XKR4: variants seen among roughly 807,000 people sequenced by gnomAD.
The protein encoded by XKR4 is XK-related protein 4.
XKR4 carries 12 observed loss-of-function variants against 53.9 expected under a neutral mutation model. The observed-to-expected ratio is 0.22, with a 90% CI of 0.14 to 0.36. XKR4 has a LOEUF of 0.36. Ranked by LOEUF, XKR4 falls within the 10% of genes least tolerant of loss-of-function variation. The pLI, the probability that XKR4 is intolerant of heterozygous loss-of-function variation, is 1.00. For synonymous variants in XKR4, 354 were observed against 362.4 expected, an observed-to-expected ratio of 0.98 and a Z score of 0.26; for missense variants, 799 against 859.5, an observed-to-expected ratio of 0.93 and a Z score of 0.88.
intron 1 of XKR4, among the ~76,000 whole-genome samples, chr8:55,246,931 CT>C (rs1818293068): frequency 6.6e-6 from 1 of 152,108 alleles, no homozygotes; most frequent in Non-Finnish European, 1.5e-5. Context: ...AGGAAAATCC[CT>C]GGGGGCCGGC....
chr8:55,212,995 C>T (rs953295710), intron 1 of XKR4, among the ~76,000 whole-genome samples: 1 of 152,108 alleles, frequency 6.6e-6, no homozygotes, highest in African/African-American at 2.4e-5. Flanking sequence ...ATCTTTAAAG[C>T]AAAATTAGGA....
chr8:55,302,506 C>A (rs533169310), intron 1 of XKR4, among the ~76,000 whole-genome samples: 146 of 148,952 alleles, frequency 9.8e-4, no homozygotes, highest in East Asian at 3.6e-3. Flanking sequence ...TATGAACTTT[C>A]AAGTAGTTTT....
intron 1 of XKR4, among the ~76,000 whole-genome samples, chr8:55,146,434 A>G (rs902882432): frequency 6.6e-6 from 1 of 152,232 alleles, no homozygotes; most frequent in South Asian, 2.1e-4. Context: ...ACAAAGTACC[A>G]TATTTTCTAG....
intron 2 of XKR4, among the ~76,000 whole-genome samples, chr8:55,463,786 A>C (rs1303897312): frequency 2.0e-5 from 3 of 152,186 alleles, no homozygotes; most frequent in African/African-American, 4.8e-5. Context: ...AAAAATGATA[A>C]AGGGGATATC....
intron 2 of XKR4, among the ~76,000 whole-genome samples, chr8:55,477,882 C>T (rs1477592367): frequency 6.6e-6 from 1 of 152,024 alleles, no homozygotes; most frequent in Non-Finnish European, 1.5e-5. Context: ...ACAAACAAAG[C>T]CTCCAAGAAA....
intron 1 of XKR4, among the ~76,000 whole-genome samples, chr8:55,321,289 C>T (rs1803208338): frequency 2.0e-5 from 3 of 152,194 alleles, no homozygotes; most frequent in Admixed American, 2.0e-4. Context: ...AAAATCTTCC[C>T]TCAGCAGGCT....
chr8:55,454,154 A>G, intron 2 of XKR4: 1 of 940,332 alleles, frequency 1.1e-6, no homozygotes, highest in East Asian at 2.4e-5. Context: ...CGGGTCCAGG[A>G]CCATTCTTAG....
At chr8:55,367,668 G>T (rs1377154045) in intron 2 of XKR4, among the ~76,000 whole-genome samples, 1 of 152,104 alleles carries the variant, frequency 6.6e-6, no homozygotes, top group Non-Finnish European at 1.5e-5. Context: ...TTTACCCATG[G>T]GTTAGTATCT....
rs77057174 is a variant in XKR4 at position 55,337,554 on chromosome 8, A to T, written c.807-20124A>T. ...ATGCCTGGGAAGGGTGAAAACATCT[A>T]GGAGGGTATATCATATTAACAACTG... On this transcript the variant is annotated intron_variant, in intron 1 of 2. Transcript: ENST00000327381. 4.0e-3 allele frequency among the ~76,000 whole-genome samples: 613 copies of T among 152,294 alleles called. 3 individuals are homozygous for T. The highest frequency in any genetic ancestry group is 0.014 in the African/African-American group (595 of 41,544).
intron 2 of XKR4, among the ~76,000 whole-genome samples, chr8:55,416,541 G>A (rs1316308784): frequency 6.6e-6 from 1 of 152,148 alleles, no homozygotes; most frequent in Non-Finnish European, 1.5e-5. Context: ...AAAGTCAGTC[G>A]ACATCAATAT....
chr8:55,187,589 T>C (rs1267252830), intron 1 of XKR4, among the ~76,000 whole-genome samples: 1 of 152,238 alleles, frequency 6.6e-6, no homozygotes, highest in Non-Finnish European at 1.5e-5. Context: ...ATAAGAACTT[T>C]ACTTTAGAAA....
At chr8:55,355,801 G>A (rs966452724) in intron 1 of XKR4, among the ~76,000 whole-genome samples, 7 of 152,138 alleles carry the variant, frequency 4.6e-5, no homozygotes, top group Non-Finnish European at 5.9e-5. Flanking sequence ...CTAAGCTTTC[G>A]GTGAAAAGCT....
intron 1 of XKR4, among the ~76,000 whole-genome samples, chr8:55,356,891 C>T (rs538239546): frequency 2.2e-4 from 34 of 152,230 alleles, no homozygotes; most frequent in African/African-American, 7.0e-4. Context: ...AAGATGATGA[C>T]GATGAAGGCA....
chr8:55,379,734 G>C (rs1181041162), intron 2 of XKR4, among the ~76,000 whole-genome samples: 2 of 152,174 alleles, frequency 1.3e-5, no homozygotes, highest in Admixed American at 1.3e-4. Context: ...ACTTTGTTTG[G>C]CCCCAACCAG....
At chr8:55,420,927 G>C (rs1182882847) in intron 2 of XKR4, among the ~76,000 whole-genome samples, 1 of 152,074 alleles carries the variant, frequency 6.6e-6, no homozygotes, top group Non-Finnish European at 1.5e-5. Flanking sequence ...ATTCCTTGTG[G>C]TTCAGTGACT....
intron 2 of XKR4, among the ~76,000 whole-genome samples, chr8:55,369,562 AAGGGAGGG>A (rs1244620267): frequency 8.8e-5 from 10 of 113,004 alleles, no homozygotes; most frequent in South Asian, 7.3e-4. Flanking sequence ...AAAGGGAAGG[AAGGGAGGG>A]AGGGAGGGAG....
At chr8:55,169,204 T>A (rs1313783253) in intron 1 of XKR4, among the ~76,000 whole-genome samples, 1 of 152,254 alleles carries the variant, frequency 6.6e-6, no homozygotes, top group African/African-American at 2.4e-5. Flanking sequence ...CATATGTAGT[T>A]TGAAACATTA....
In XKR4 at chr8:55,514,382, G is replaced by A. The variant is rs578242499; in HGVS notation, c.1007-8899G>A. ...AGTGATGCTCCTGCCTCAGCCTCCC[G>A]AGTAGCTGGGATTACAGGCATGTGC... On this transcript the variant is annotated intron_variant, in intron 2 of 2. Coordinates refer to ENST00000327381, the MANE Select transcript of XKR4 (RefSeq NM_052898.2). Among the ~76,000 whole-genome samples, 33 of 151,230 alleles carry A rather than the reference G, an allele frequency of 2.2e-4. 1 individual carries two copies. Among genetic ancestry groups the A allele is most frequent in the African/African-American group, 2.7e-4 (11 of 41,114 alleles).
At chr8:55,277,175 T>C (rs1818775951) in intron 1 of XKR4, among the ~76,000 whole-genome samples, 2 of 152,324 alleles carry the variant, frequency 1.3e-5, no homozygotes, top group South Asian at 4.1e-4. Flanking sequence ...ATATGAACTA[T>C]GGACATGAGA....
Sources: allele counts gnomAD v4.1 joint callset (sites outside exome capture counted in the v4.1 genomes callset), GRCh38; gene constraint gnomAD v4.1.1; transcripts MANE v1.5; gene names NCBI Gene and HGNC (gene_info 2026-07-23, HGNC 2026-07-21).